The following DPP4 variants were observed in gnomAD, a reference collection of about 807,000 sequenced individuals.
The protein encoded by DPP4 is dipeptidyl peptidase 4.
A neutral mutation model predicts 122.4 loss-of-function variants in DPP4; 93 were observed. The observed-to-expected ratio is 0.76, with a 90% CI of 0.64 to 0.90. The LOEUF (loss-of-function observed/expected upper bound fraction) is 0.90. Ranked by LOEUF, DPP4 falls within the 40% of genes least tolerant of loss-of-function variation. The pLI is 0.00. For missense variants in DPP4, 914 were observed against 907.3 expected (o/e 1.01, Z -0.09); for synonymous variants, 321 against 302.9 (o/e 1.06, Z -0.62).
At position 162,039,622 on chromosome 2, in the gene DPP4, T is replaced by G. The variant is rs570015561; in HGVS notation, c.367-438A>C. 7.0e-4 allele frequency among the ~76,000 whole-genome samples: 107 copies of G among 152,230 alleles called. 2 individuals carry two copies. The highest frequency in any genetic ancestry group is 2.5e-3 in the African/African-American group (104 of 41,564). On this transcript the variant is annotated intron_variant, in intron 5 of 25. Transcript: ENST00000360534. ...TACACTGATGATGAAAGGTAAAGTG[T>G]TATAAAGTTTTTGGAAGCCCCCTGG...
chr2:162,071,813 A>G (rs991415974), intron 2 of DPP4, among the ~76,000 whole-genome samples: 2 of 152,160 alleles, frequency 1.3e-5, no homozygotes, highest in Non-Finnish European at 2.9e-5. Context: ...CAGCAAAACA[A>G]AATTCTCAGA....
In DPP4 at chr2:162,024,779, G is replaced by T. The variant is rs191825594; in HGVS notation, c.1023+25C>A. On this transcript the variant is annotated intron_variant, in intron 11 of 25. Transcript: ENST00000360534. ...CCTCTGATCACATGTTGCTCTAGAA[G>T]CAGAACATCCCCATTCAGTCTCACC... 41 of 1,609,908 alleles carry T rather than the reference G, an allele frequency of 2.5e-5. No individual in the cohort carries two copies. In the East Asian group the frequency reaches 8.9e-4, roughly 35 times the overall value.
intron 2 of DPP4, among the ~76,000 whole-genome samples, chr2:162,047,949 C>T (rs927675317): frequency 1.3e-5 from 2 of 152,026 alleles, no homozygotes; most frequent in African/African-American, 4.8e-5. Context: ...TTCATTCTAA[C>T]TCTCAAATCT....
At chr2:162,025,165 A>T (rs1269630269) in intron 10 of DPP4, among the ~76,000 whole-genome samples, 3 of 152,224 alleles carry the variant, frequency 2.0e-5, no homozygotes, top group African/African-American at 7.2e-5. Context: ...CAGGAAAAGC[A>T]GCAACAATAT....
intron 19 of DPP4, 23 bp from the exon 20 acceptor site, chr2:162,012,010 A>G (rs1407531903): frequency 6.2e-7 from 1 of 1,604,144 alleles, no homozygotes; most frequent in South Asian, 1.1e-5. Flanking sequence ...CCAAATTGTT[A>G]GCTTTCATGG....
In DPP4 at chr2:162,033,606, G is replaced by C; in HGVS notation, c.822C>G (p.Asp274Glu). The C allele has an allele frequency of 6.2e-7, 1 of 1,612,548 alleles. No homozygotes were observed. The highest frequency in any genetic ancestry group is 8.5e-7 in the Non-Finnish European group (1 of 1,179,364). ...PTVKFFVVNTDSLSSVTNATS... is the reference protein window; with the variant it reads ...PTVKFFVVNTESLSSVTNATS... Reference sequence around the variant, plus strand: ...TTGCATTGGTGACTGAGCTGAGAGAGTCTGTATTTACAACAAAGAACTTTA... The same window carrying C: ...TTGCATTGGTGACTGAGCTGAGAGACTCTGTATTTACAACAAAGAACTTTA... The change falls in exon 10 of 26, where the codon GAC becomes GAG. Residue 274 changes from aspartate (D) to glutamate (E), a missense_variant. Asp to Glu is a conservative substitution (Grantham distance 45). Transcript: ENST00000360534.
intron 2 of DPP4, among the ~76,000 whole-genome samples, chr2:162,066,066 G>C (rs1230007200): frequency 3.3e-5 from 5 of 152,024 alleles, no homozygotes; most frequent in African/African-American, 9.7e-5. Context: ...AATAGGAAAG[G>C]GGAGTTAAGC....
chr2:162,030,152 A>C lies in DPP4; in HGVS notation c.887+3389T>G, dbSNP rs79254163. On this transcript the variant is annotated intron_variant, in intron 10 of 25. Transcript: ENST00000360534. ...AAAGTTAGGAGATTTATGATTTTAC[A>C]TTATGTGCTGTTTTCCTTCAAATTT... Among the ~76,000 whole-genome samples, 944 of 152,362 alleles carry C rather than the reference A, an allele frequency of 6.2e-3. 9 individuals are homozygous for C. The highest frequency in any genetic ancestry group is 0.022 in the African/African-American group (908 of 41,582).
intron 20 of DPP4, among the ~76,000 whole-genome samples, chr2:162,010,304 C>T (rs1399804778): frequency 6.6e-6 from 1 of 152,142 alleles, no homozygotes; most frequent in African/African-American, 2.4e-5. Context: ...TAAGGCATTT[C>T]CCTCTTTGCA....
chr2:162,061,685 T>C (rs1483726823), intron 2 of DPP4, among the ~76,000 whole-genome samples: 2 of 152,202 alleles, frequency 1.3e-5, no homozygotes, highest in African/African-American at 2.4e-5. Flanking sequence ...TAAATGTTCA[T>C]TAAAAAAATT....
intron 2 of DPP4, among the ~76,000 whole-genome samples, chr2:162,051,310 T>A (rs73971552): frequency 0.038 from 5,800 of 152,268 alleles, 248 homozygotes; most frequent in African/African-American, 0.098. Context: ...AAGAGAGTAG[T>A]ATAGTTCCAC....
chr2:162,039,445 T>C (rs921549514), intron 5 of DPP4, among the ~76,000 whole-genome samples: 5 of 152,106 alleles, frequency 3.3e-5, no homozygotes, highest in Admixed American at 6.6e-5. Context: ...TGTCATTTTG[T>C]ACAAACATTA....
chr2:162,068,121 A>C (rs1439024842), intron 2 of DPP4, among the ~76,000 whole-genome samples: 3 of 152,218 alleles, frequency 2.0e-5, no homozygotes, highest in African/African-American at 7.2e-5. Flanking sequence ...ATTACTACTA[A>C]TACTAAAAAT....
Position 162,074,123 on chromosome 2 carries a change from A to T in DPP4, c.-142T>A. 1.4e-6 allele frequency: 2 copies of T among 1,426,952 alleles called. No homozygotes were observed. The highest frequency in any genetic ancestry group is 1.5e-5 in the South Asian group (1 of 64,922). 88.4% of individuals were successfully genotyped at this position (1,426,952 alleles called of 1,614,324 possible). ...GGCAAGTTTCGGCCCCGAGTTAAAC[A>T]TTAGTGAGCGCCGAGCCCGCTGGGT... On this transcript the variant is annotated 5_prime_UTR_variant, in exon 1 of 26. The change abolishes an upstream ATG in the 5' untranslated region. Transcript: ENST00000360534.
intron 2 of DPP4, among the ~76,000 whole-genome samples, chr2:162,063,984 A>G (rs1684870211): frequency 6.6e-6 from 1 of 152,224 alleles, no homozygotes; most frequent in African/African-American, 2.4e-5. Context: ...GGGCACAAAC[A>G]AAGGGCCTGG....
At position 162,033,598 on chromosome 2, in the gene DPP4, C is replaced by G. The variant is rs56270378; in HGVS notation, c.830G>C (p.Ser277Thr). The G allele has an allele frequency of 4.0e-5, 65 of 1,612,848 alleles. No individual in the cohort carries two copies. Among genetic ancestry groups the G allele is most frequent in the Non-Finnish European group, 5.3e-5 (63 of 1,179,568 alleles). The change falls in exon 10 of 26, where the codon AGC (serine) becomes ACC (threonine). Residue 277 changes from serine to threonine, a missense_variant. Coordinates refer to ENST00000360534, the MANE Select transcript of DPP4 (RefSeq NM_001935.4). ...TATGGAAGTTGCATTGGTGACTGAG[C>G]TGAGAGAGTCTGTATTTACAACAAA... ...KFFVVNTDSL[S>T]SVTNATSIQI...
intron 17 of DPP4, 94 bp from the exon 18 acceptor site, chr2:162,016,960 G>A (rs1682948195): frequency 4.3e-6 from 6 of 1,411,724 alleles, no homozygotes; most frequent in Non-Finnish European, 5.9e-6. Flanking sequence ...TTCACTGATC[G>A]GACTACACAT....
In DPP4 at chr2:162,046,972, G is replaced by C. The variant is rs145554034; in HGVS notation, c.228C>G (p.Ile76Met). 1 of 1,597,500 alleles carries C rather than the reference G, an allele frequency of 6.3e-7. No individual in the cohort carries two copies. Among genetic ancestry groups the C allele is most frequent in the South Asian group, 1.1e-5 (1 of 90,478 alleles). Residue 76 changes from isoleucine to methionine, a missense_variant, in exon 4 of 26, where the codon ATC (isoleucine) becomes ATG (methionine). Coordinates refer to ENST00000360534, the MANE Select transcript of DPP4 (RefSeq NM_001935.4). Reference protein sequence around the residue: ...HEYLYKQENNILVFNAEYGNS... With the variant: ...HEYLYKQENNMLVFNAEYGNS... ...TTCCATATTCAGCATTGAATACCAA[G>C]ATATTATTTTCTTGTTTGTAGAGAT...
In DPP4 at chr2:162,048,480, A is replaced by G. The variant is rs186187867; in HGVS notation, c.95-979T>C. On this transcript the variant is annotated intron_variant, in intron 2 of 25. Coordinates refer to ENST00000360534, the MANE Select transcript of DPP4 (RefSeq NM_001935.4). The stretch of plus-strand genomic sequence containing the variant: ...CATTGCCTACAGGAACAAGATTAAC[A>G]CTCCTTAGCCTGAAACTCACAGCCC... Among the ~76,000 whole-genome samples, 364 of 151,538 alleles carry G rather than the reference A, an allele frequency of 2.4e-3. 2 individuals carry two copies. The highest frequency in any genetic ancestry group is 8.2e-3 in the African/African-American group (337 of 41,242).
Sources: gnomAD v4.1 joint callset for allele counts (sites outside exome capture counted in the v4.1 genomes callset) on GRCh38, gnomAD v4.1.1 for gene constraint, MANE v1.5 for transcripts, NCBI Gene and HGNC (gene_info 2026-07-23, HGNC 2026-07-21) for gene names.